The following MTCH2 variants were observed in gnomAD, a reference collection of about 807,000 sequenced individuals.
The protein encoded by MTCH2 is mitochondrial carrier homolog 2.
A neutral mutation model predicts 50.6 loss-of-function variants in MTCH2; 25 were observed. That is an observed-to-expected ratio of 0.49 (90% CI 0.36 to 0.69). The LOEUF (loss-of-function observed/expected upper bound fraction) is 0.69. MTCH2 is among the 30% of genes least tolerant of loss of function. The pLI is 0.00. For missense variants in MTCH2, 273 were observed against 384.4 expected (o/e 0.71, Z 2.42); for synonymous variants, 106 against 132.0 (o/e 0.80, Z 1.35).
intron 8 of MTCH2, 122 bp from the exon 9 acceptor site, chr11:47,629,168 G>T: frequency 1.2e-6 from 1 of 814,276 alleles, no homozygotes; most frequent in Non-Finnish European, 2.0e-6. Flanking sequence ...AGTAAAAAAG[G>T]AATCAAACAC....
In MTCH2 at chr11:47,638,815, C is replaced by T; in HGVS notation, c.173-10G>A. The T allele has an allele frequency of 1.3e-6, 2 of 1,506,922 alleles. No individual in the cohort carries two copies. Among genetic ancestry groups the T allele is most frequent in the Non-Finnish European group, 1.8e-6 (2 of 1,129,032 alleles). 93.3% of individuals were successfully genotyped at this position (1,506,922 alleles called of 1,614,324 possible). On this transcript the variant is annotated splice_polypyrimidine_tract_variant and intron_variant, in intron 2 of 12. Transcript: ENST00000302503. ...CTGGCAATGTGCTGAGCTAAGAACACAAGTCAGAGATGTTGTCAAGTTCTG... is the reference window on the plus strand; with the variant it reads ...CTGGCAATGTGCTGAGCTAAGAACATAAGTCAGAGATGTTGTCAAGTTCTG...
intron 8 of MTCH2, 159 bp from the exon 9 acceptor site, chr11:47,629,205 A>G: frequency 1.6e-6 from 1 of 606,486 alleles, no homozygotes. Flanking sequence ...TACCTAGTTC[A>G]TTCTCGTTAA....
At chr11:47,631,984 A>T (rs1453160416) in intron 5 of MTCH2, among the ~76,000 whole-genome samples, 1 of 152,170 alleles carries the variant, frequency 6.6e-6, no homozygotes, top group African/African-American at 2.4e-5. Context: ...TCTCAATTTT[A>T]CAGGTAAGAG....
At chr11:47,641,770 G>A (rs1259224823) in intron 1 of MTCH2, among the ~76,000 whole-genome samples, 1 of 152,192 alleles carries the variant, frequency 6.6e-6, no homozygotes, top group East Asian at 1.9e-4. Context: ...CTGCTGGAAA[G>A]CGCTCAATGC....
the MTCH2 span, among the ~76,000 whole-genome samples, chr11:47,605,033 C>G: frequency 6.6e-6 from 1 of 152,092 alleles, no homozygotes; most frequent in Non-Finnish European, 1.5e-5. Flanking sequence ...CAGGTTCACG[C>G]CATTCTCCTG....
intron 12 of MTCH2, among the ~76,000 whole-genome samples, chr11:47,622,289 C>G (rs958628559): frequency 6.6e-6 from 1 of 152,100 alleles, no homozygotes; most frequent in African/African-American, 2.4e-5. Flanking sequence ...TAACAAGACT[C>G]TAGAAGTATA....
chr11:47,625,548 C>A, intron 11 of MTCH2, 126 bp downstream of exon 11: 1 of 736,988 alleles, frequency 1.4e-6, no homozygotes, highest in Non-Finnish European at 2.2e-6. Context: ...TCCTCCCCCC[C>A]TTTTTAAAAA....
At chr11:47,636,604 T>G (rs1246896353) in intron 3 of MTCH2, among the ~76,000 whole-genome samples, 1 of 149,618 alleles carries the variant, frequency 6.7e-6, no homozygotes, top group Non-Finnish European at 1.5e-5. Context: ...TGGTGGTAGG[T>G]GCCTGTAATC....
At chr11:47,605,495 T>G in the MTCH2 span, among the ~76,000 whole-genome samples, 3 of 152,218 alleles carry the variant, frequency 2.0e-5, no homozygotes, top group Non-Finnish European at 4.4e-5. Context: ...TTCAGCCCAC[T>G]GTTTCAAGTT....
chr11:47,637,618 AAAATT>A (rs1187321362), intron 3 of MTCH2, among the ~76,000 whole-genome samples: 1 of 152,184 alleles, frequency 6.6e-6, no homozygotes, highest in Non-Finnish European at 1.5e-5. Context: ...AGGTGAAAAT[AAAATT>A]ATCAATTGAG....
chr11:47,637,519 A>T (rs892463813), intron 3 of MTCH2, among the ~76,000 whole-genome samples: 1 of 152,034 alleles, frequency 6.6e-6, no homozygotes, highest in Non-Finnish European at 1.5e-5. Context: ...TCTCTTCTAG[A>T]GAAGAGATCA....
At chr11:47,621,432 T>C (rs1371804569) in intron 12 of MTCH2, among the ~76,000 whole-genome samples, 2 of 65,550 alleles carry the variant, frequency 3.1e-5, no homozygotes, top group African/African-American at 1.3e-4. Flanking sequence ...GTTGTTGTTA[T>C]TGTCTTTTTT....
intron 10 of MTCH2, among the ~76,000 whole-genome samples, chr11:47,626,871 C>G (rs2097298706): frequency 6.6e-6 from 1 of 152,066 alleles, no homozygotes; most frequent in African/African-American, 2.4e-5. Context: ...CCTCACCTTC[C>G]CAAAGTGCTA....
At chr11:47,633,277 T>C (rs1417617809) in intron 5 of MTCH2, among the ~76,000 whole-genome samples, 26 of 148,780 alleles carry the variant, frequency 1.7e-4, no homozygotes, top group Non-Finnish European at 3.4e-4. Flanking sequence ...GCCCAGCTAA[T>C]TTTTTTGTAT....
intron 8 of MTCH2, 124 bp downstream of exon 8, chr11:47,630,431 T>C: frequency 2.4e-6 from 2 of 838,086 alleles, no homozygotes; most frequent in Non-Finnish European, 3.9e-6. Flanking sequence ...CTAAATAGAA[T>C]GTAACGTGAG....
At chr11:47,629,085 T>G (rs1450602692) in intron 8 of MTCH2, 39 bp from the exon 9 acceptor site, 3 of 1,517,700 alleles carry the variant, frequency 2.0e-6, no homozygotes, top group Non-Finnish European at 2.7e-6. Flanking sequence ...CCAAAAAATG[T>G]GATCAGTAAC....
Position 47,618,020 on chromosome 11 carries a change from G to T in MTCH2, c.*813C>A, listed in dbSNP as rs192958139. The T allele has an allele frequency of 4.6e-5, 7 of 152,266 alleles. No homozygotes were observed. The highest frequency in any genetic ancestry group is 1.7e-4 in the African/African-American group (7 of 41,560). 9.4% of individuals were successfully genotyped at this position (152,266 alleles called of 1,614,324 possible). The stretch of plus-strand genomic sequence containing the variant: ...GGCAAATACTTGGCTCTTAAAGAAG[G>T]GGGTTACTCCTGCAGGATCTGCTTT... On this transcript the variant is annotated 3_prime_UTR_variant, in exon 13 of 13. Coordinates refer to ENST00000302503, the MANE Select transcript of MTCH2 (RefSeq NM_014342.4).
chr11:47,634,531 T>A, intron 5 of MTCH2, 141 bp downstream of exon 5: 1 of 603,628 alleles, frequency 1.7e-6, no homozygotes, highest in South Asian at 2.1e-5. Context: ...GTTATACATG[T>A]AGTAAAGCCC....
intron 1 of MTCH2, among the ~76,000 whole-genome samples, chr11:47,641,564 G>A (rs1328310368): frequency 1.3e-5 from 2 of 152,144 alleles, no homozygotes; most frequent in Non-Finnish European, 2.9e-5. Context: ...CCCATTACAG[G>A]GATATAGCAA....
Sources: allele counts gnomAD v4.1 joint callset (sites outside exome capture counted in the v4.1 genomes callset), GRCh38; gene constraint gnomAD v4.1.1; transcripts MANE v1.5; gene names NCBI Gene and HGNC (gene_info 2026-07-23, HGNC 2026-07-21).